Variants in ARHGAP32 observed in about 807,000 individuals in gnomAD.
The protein encoded by ARHGAP32 is rho GTPase-activating protein 32.
In ARHGAP32, 51 loss-of-function variants were observed where a neutral mutation model predicts 186.5. The observed-to-expected ratio is 0.27, with a 90% CI of 0.22 to 0.35. ARHGAP32 has a LOEUF of 0.35. Among genes scored for constraint, ARHGAP32 ranks in the 10% least tolerant of loss-of-function variants. The pLI, the probability that ARHGAP32 is intolerant of heterozygous loss-of-function variation, is 1.00. For synonymous variants in ARHGAP32, 950 were observed against 964.3 expected, an observed-to-expected ratio of 0.99 and a Z score of 0.27; for missense variants, 2,186 against 2,623.5, an observed-to-expected ratio of 0.83 and a Z score of 3.64.
At chr11:129,187,458 A>G (rs1944185416) in intron 1 of ARHGAP32, among the ~76,000 whole-genome samples, 1 of 152,194 alleles carries the variant, frequency 6.6e-6, no homozygotes. Flanking sequence ...CTAGTATTTG[A>G]TAGCACAATA....
intron 2 of ARHGAP32, among the ~76,000 whole-genome samples, chr11:129,151,182 C>T (rs947811842): frequency 6.6e-6 from 1 of 152,076 alleles, no homozygotes; most frequent in African/African-American, 2.4e-5. Flanking sequence ...GAAAATATCA[C>T]AATCCTAAAT....
At chr11:129,137,610 C>T (rs117227743) in intron 2 of ARHGAP32, among the ~76,000 whole-genome samples, 3,237 of 151,814 alleles carry the variant, frequency 0.021, 38 homozygotes, top group Non-Finnish European at 0.031. Context: ...TAAAAGAAGA[C>T]GATTAAAGCA....
At position 128,980,664 on chromosome 11, in the gene ARHGAP32, T is replaced by C. The variant is rs150458932; in HGVS notation, c.1865A>G (p.Gln622Arg). The change falls in exon 18 of 23, where the codon CAA becomes CGA. Residue 622 changes from glutamine (Q) to arginine (R), a missense_variant. Physicochemically the swap from Gln to Arg is conservative, Grantham distance 43. Transcript: ENST00000682385. ...LTLEEAQART[Q>R]AQVNSPIVTE... ...CACAATTGGAGAATTGACCTGAGCT[T>C]GTGTTCGTGCCTGGGCCTCTTCCAA... 17 of 1,613,902 alleles carry C rather than the reference T, an allele frequency of 1.1e-5. No homozygotes were observed. Among genetic ancestry groups the C allele is most frequent in the Non-Finnish European group, 1.4e-5 (16 of 1,179,926 alleles).
chr11:129,055,020 G>A (rs1449767539), intron 10 of ARHGAP32, among the ~76,000 whole-genome samples: 2 of 152,188 alleles, frequency 1.3e-5, no homozygotes, highest in East Asian at 1.9e-4. Flanking sequence ...AGCACACATG[G>A]ACCAAAATAG....
intron 1 of ARHGAP32, among the ~76,000 whole-genome samples, chr11:129,237,714 G>A (rs557842332): frequency 1.3e-5 from 2 of 152,136 alleles, no homozygotes; most frequent in Non-Finnish European, 2.9e-5. Context: ...AGGAGAAAAG[G>A]CTCCAGAAAT....
chr11:129,031,074 C>T (rs1256293777), intron 11 of ARHGAP32, among the ~76,000 whole-genome samples: 2 of 152,128 alleles, frequency 1.3e-5, no homozygotes, highest in Admixed American at 6.5e-5. Flanking sequence ...CCAATTAAAC[C>T]TCTTTTCTTT....
intron 1 of ARHGAP32, among the ~76,000 whole-genome samples, chr11:129,246,740 A>T (rs184845831): frequency 6.6e-6 from 1 of 152,210 alleles, no homozygotes; most frequent in Non-Finnish European, 1.5e-5. Flanking sequence ...AGCAATTTCT[A>T]TTCGACCTTC....
At chr11:129,252,088 G>A (rs1401414175) in intron 1 of ARHGAP32, among the ~76,000 whole-genome samples, 2 of 151,976 alleles carry the variant, frequency 1.3e-5, no homozygotes, top group Admixed American at 1.3e-4. Flanking sequence ...ATTAAAAGTA[G>A]TAATATCAAT....
At chr11:129,260,142 GAGCATTA>G (rs1945304018) in intron 1 of ARHGAP32, among the ~76,000 whole-genome samples, 5 of 152,146 alleles carry the variant, frequency 3.3e-5, no homozygotes, top group Non-Finnish European at 4.4e-5. Flanking sequence ...AGACCGGCAT[GAGCATTA>G]CACAACTGAA....
intron 1 of ARHGAP32, among the ~76,000 whole-genome samples, chr11:129,272,231 T>C (rs10894017): frequency 0.31 from 47,033 of 152,032 alleles, 7,618 homozygotes; most frequent in Middle Eastern, 0.4. Context: ...GATAAAACTT[T>C]ATTCCTCTCT....
At chr11:129,117,732 A>T (rs1214304674) in intron 5 of ARHGAP32, among the ~76,000 whole-genome samples, 2 of 151,858 alleles carry the variant, frequency 1.3e-5, no homozygotes, top group Non-Finnish European at 2.9e-5. Context: ...AGATAACCAG[A>T]TGATAAAGAA....
intron 5 of ARHGAP32, among the ~76,000 whole-genome samples, chr11:129,116,201 A>G (rs1450289420): frequency 6.6e-6 from 1 of 152,016 alleles, no homozygotes; most frequent in African/African-American, 2.4e-5. Flanking sequence ...TTAGCTTACT[A>G]GTAGGAAAAC....
chr11:129,010,286 C>A (rs1938010925), intron 11 of ARHGAP32, among the ~76,000 whole-genome samples: 2 of 152,148 alleles, frequency 1.3e-5, no homozygotes, highest in Non-Finnish European at 2.9e-5. Context: ...TGCTGAATCT[C>A]TTTAGTTTAA....
rs145425661 is a variant in ARHGAP32 at position 129,271,577 on chromosome 11, G to A, written c.-5+7569C>T. Among the ~76,000 whole-genome samples the A allele has an allele frequency of 1.4e-3, 214 of 152,214 alleles. 1 individual carries two copies. In the East Asian group the frequency reaches 0.014, roughly 10 times the overall value. On this transcript the variant is annotated intron_variant, in intron 1 of 6. Coordinates refer to the ARHGAP32 transcript ENST00000525234. ...GCATGGAGTTACAAGAGTCTAGAGC[G>A]CAAGGGGGAAAAAAGTCAGTACTAG...
chr11:129,071,361 GA>G (rs563222584), intron 6 of ARHGAP32, among the ~76,000 whole-genome samples: 11 of 145,818 alleles, frequency 7.5e-5, no homozygotes, highest in East Asian at 2.0e-4. Context: ...GAACTCTACA[GA>G]AAAAAAAAAT....
At chr11:129,170,263 G>GGTAT (rs1235446282) in intron 1 of ARHGAP32, among the ~76,000 whole-genome samples, 6 of 150,012 alleles carry the variant, frequency 4.0e-5, no homozygotes, top group Non-Finnish European at 8.9e-5. Flanking sequence ...TTGTTACATA[G>GGTAT]GTATACATGT....
chr11:129,139,197 C>T lies in ARHGAP32; in HGVS notation c.226-14303G>A, dbSNP rs535181863. On this transcript the variant is annotated intron_variant, in intron 2 of 22. Transcript: ENST00000682385. ...CCATATTAATTAGTTAAGTAATTCCCTATAAAATAATAGTAAAAAGAAAAA... is the reference window on the plus strand; with the variant it reads ...CCATATTAATTAGTTAAGTAATTCCTTATAAAATAATAGTAAAAAGAAAAA... Among the ~76,000 whole-genome samples the T allele has an allele frequency of 2.4e-4, 37 of 151,958 alleles. No individual in the cohort carries two copies. The South Asian group carries it at 7.3e-3, about 30-fold the overall frequency.
rs760447782 is a variant in ARHGAP32 at position 128,969,061 on chromosome 11, C to T, written c.6152G>A (p.Arg2051Gln). The T allele has an allele frequency of 8.1e-6, 13 of 1,611,928 alleles. 1 individual carries two copies. Among genetic ancestry groups the T allele is most frequent in the South Asian group, 5.5e-5 (5 of 90,822 alleles). The change falls in exon 23 of 23, where the codon CGA becomes CAA. Residue 2051 changes from arginine to glutamine, a missense_variant. Around this residue, in one of 5 missense-constraint regions of ARHGAP32, gnomAD observed 1,502 missense variants for 1,570.0 expected, o/e 0.96. Coordinates refer to ENST00000682385, the MANE Select transcript of ARHGAP32 (RefSeq NM_001378024.1). The surrounding 1 kb of genome is among the most constrained non-coding windows in gnomAD (Gnocchi z 4.8). ...CATGCCGCCCCCTCCAAAGACTCCT[C>T]GCTGGTGCTGAGGCAGGGAGTGGTA... ...EDYHSLPQHQRGVFGGGGMGT... is the reference protein window; with the variant it reads ...EDYHSLPQHQQGVFGGGGMGT...
Position 128,998,377 on chromosome 11 carries a change from C to G in ARHGAP32, c.1137G>C (p.Leu379Phe), listed in dbSNP as rs1365076777. The G allele has an allele frequency of 2.5e-6, 4 of 1,601,466 alleles. No homozygotes were observed. In the East Asian group the frequency reaches 9.0e-5, roughly 36 times the overall value. Residue 379 changes from leucine (L) to phenylalanine (F), a missense_variant, in exon 12 of 23, where the codon TTG (leucine) becomes TTC (phenylalanine). Physicochemically the swap from Leu to Phe is conservative, Grantham distance 22. This residue lies in a region of ARHGAP32 where 308 missense variants were observed against 596.5 expected (regional missense o/e 0.52). Coordinates refer to ENST00000682385, the MANE Select transcript of ARHGAP32 (RefSeq NM_001378024.1). ...TKQKLKQRGI[L>F]KERVFGCDLG... The stretch of plus-strand genomic sequence containing the variant: ...GGTCACAACCAAACACCCTCTCTTT[C>G]AAGATTCCCCGCTGCTTCAGCTTCT...
Sources: allele counts gnomAD v4.1 joint callset (sites outside exome capture counted in the v4.1 genomes callset), GRCh38; gene constraint gnomAD v4.1.1; regional missense constraint gnomAD v4.1.1; non-coding constraint Gnocchi (gnomAD v3.1); transcripts MANE v1.5; gene names NCBI Gene and HGNC (gene_info 2026-07-23, HGNC 2026-07-21).